SH3BP2: variants seen among roughly 807,000 people sequenced by gnomAD.
SH3BP2 encodes SH3 domain binding protein 2.
A neutral mutation model predicts 56.2 loss-of-function variants in SH3BP2; 38 were observed. That is an observed-to-expected ratio of 0.68 (90% CI 0.52 to 0.89). SH3BP2 has a LOEUF of 0.89. SH3BP2 is among the 40% of genes least tolerant of loss of function. SH3BP2 has a pLI of 0.00. For synonymous variants in SH3BP2, 346 were observed against 316.7 expected (o/e 1.09, Z -0.98); for missense variants, 748 against 762.6 (o/e 0.98, Z 0.23).
intron 1 of SH3BP2, among the ~76,000 whole-genome samples, chr4:2,813,755 G>A (rs1310108849): frequency 6.6e-6 from 1 of 152,234 alleles, no homozygotes; most frequent in Non-Finnish European, 1.5e-5. Context: ...GAGTGTGCAC[G>A]TATGAGTAGA....
intron 5 of SH3BP2, chr4:2,826,583 T>C (rs1457668423): frequency 3.1e-6 from 1 of 318,162 alleles, no homozygotes; most frequent in Non-Finnish European, 6.1e-6. Context: ...TCTGTGTGTG[T>C]GTGCATGTCT....
In SH3BP2 at chr4:2,829,709, C is replaced by G. The variant is rs148592718; in HGVS notation, c.803C>G (p.Pro268Arg). 5.0e-6 allele frequency: 8 copies of G among 1,612,828 alleles called. No individual in the cohort carries two copies. The highest frequency in any genetic ancestry group is 5.9e-6 in the Non-Finnish European group (7 of 1,179,798). Residue 268 changes from proline (P) to arginine (R), a missense_variant, in exon 8 of 13, where the codon CCC (proline) becomes CGC (arginine). Pro to Arg is a moderately radical substitution (Grantham distance 103). Coordinates refer to ENST00000503393, the MANE Select transcript of SH3BP2 (RefSeq NM_001122681.2). This position sits in a 1 kb window ranked among gnomAD's most constrained non-coding sequence, Gnocchi z 4.9. The stretch of plus-strand genomic sequence containing the variant: ...TGCCCGAGGCGGGCTGAGCCTTGCC[C>G]CAGGGTACCTGCTACCCCCCGAAGG... ...PLCPRRAEPC[P>R]RVPATPRRMS... is the part of the protein sequence containing the mutation.
chr4:2,833,474 G>T (rs1421295088), intron 12 of SH3BP2: 4 of 634,342 alleles, frequency 6.3e-6, no homozygotes, highest in African/African-American at 1.8e-5. Flanking sequence ...AAGTGCTCTG[G>T]GTGCAGGCTC....
chr4:2,816,188 G>T (rs1410734723), intron 1 of SH3BP2, among the ~76,000 whole-genome samples: 4 of 152,008 alleles, frequency 2.6e-5, no homozygotes, highest in African/African-American at 9.7e-5. Flanking sequence ...CCAAATAGCT[G>T]GGATTACAGG....
At chr4:2,821,544 G>A (rs940141944) in intron 2 of SH3BP2, among the ~76,000 whole-genome samples, 4 of 152,174 alleles carry the variant, frequency 2.6e-5, no homozygotes, top group African/African-American at 9.7e-5. Flanking sequence ...AACTCTCCGG[G>A]CTCCTGAGTC....
At position 2,820,693 on chromosome 4, in the gene SH3BP2, G is replaced by A. The variant is rs867225186; in HGVS notation, c.76G>A (p.Gly26Ser). Reference protein sequence around the residue: ...GAQNLLTMPGGVAKAGYLHKK... With the variant: ...GAQNLLTMPGSVAKAGYLHKK... Reference sequence around the variant, plus strand: ...CCAGAACCTGCTAACCATGCCTGGGGGCGTGGCCAAGGCTGGCTACCTGCA... The same window carrying A: ...CCAGAACCTGCTAACCATGCCTGGGAGCGTGGCCAAGGCTGGCTACCTGCA... Residue 26 changes from glycine (G) to serine (S), a missense_variant, in exon 2 of 13, where the codon GGC becomes AGC. Gly to Ser is a moderately conservative substitution (Grantham distance 56). This residue lies in a region of SH3BP2 where 104 missense variants were observed against 123.1 expected (regional missense o/e 0.84). Coordinates refer to ENST00000503393, the MANE Select transcript of SH3BP2 (RefSeq NM_001122681.2). The A allele has an allele frequency of 6.2e-7, 1 of 1,614,140 alleles. No homozygotes were observed. Among genetic ancestry groups the A allele is most frequent in the African/African-American group, 1.3e-5 (1 of 75,048 alleles).
intron 5 of SH3BP2, chr4:2,826,654 C>T (rs1433705202): frequency 6.3e-6 from 2 of 319,770 alleles, no homozygotes; most frequent in Non-Finnish European, 1.2e-5. Flanking sequence ...GTGTGCATGT[C>T]CACGTGTTGC....
intron 8 of SH3BP2, 92 bp downstream of exon 8, chr4:2,830,239 G>A: frequency 7.9e-7 from 1 of 1,266,906 alleles, no homozygotes; most frequent in Non-Finnish European, 1.1e-6. Flanking sequence ...CGCTCCCCTG[G>A]CACTCTTAGC....
rs1687899079 is a variant in SH3BP2, at chr4:2,829,351, G to A, written c.587-142G>A. 1 of 803,860 alleles carries A rather than the reference G, an allele frequency of 1.2e-6. No individual in the cohort carries two copies. 49.8% of individuals were successfully genotyped at this position (803,860 alleles called of 1,614,324 possible). The stretch of plus-strand genomic sequence containing the variant: ...GGGGAAGGCAGGATGGGAGTGCTGG[G>A]TGCTGGGCTGCTGGGTGGGCAGGCT... On this transcript the variant is annotated intron_variant, in intron 7 of 12. Coordinates refer to ENST00000503393, the MANE Select transcript of SH3BP2 (RefSeq NM_001122681.2). The surrounding 1 kb of genome is among the most constrained non-coding windows in gnomAD (Gnocchi z 4.9).
rs925373740 is a variant in SH3BP2 at position 2,799,259 on chromosome 4, C to G, written c.-5+6121C>G. On this transcript the variant is annotated intron_variant, in intron 1 of 12. Coordinates refer to ENST00000503393, the MANE Select transcript of SH3BP2 (RefSeq NM_001122681.2). ...CTTCCCCTCGGGACCCTCACCGCGA[C>G]TGGACTTCGCTCAGCTTCAGACCCT... is the stretch of plus-strand genomic sequence containing the variant. The G allele has an allele frequency of 5.1e-6, 5 of 985,362 alleles. No homozygotes were observed. In the African/African-American group the frequency reaches 8.7e-5, roughly 17 times the overall value. The allele number at this position is 985,362 out of a possible 1,614,324, so 61.0% of individuals were successfully genotyped here. A position where few individuals can be genotyped will look rare whatever the true frequency, so the allele number is the denominator to read the frequency against.
chr4:2,801,079 C>G (rs1213396518), intron 1 of SH3BP2, among the ~76,000 whole-genome samples: 1 of 145,698 alleles, frequency 6.9e-6, no homozygotes, highest in Non-Finnish European at 1.5e-5. Context: ...GGAGGAGACC[C>G]TGATCCAGAC....
At chr4:2,828,866 C>T (rs531660738) in intron 7 of SH3BP2, among the ~76,000 whole-genome samples, 8 of 152,310 alleles carry the variant, frequency 5.3e-5, no homozygotes, top group Admixed American at 6.5e-5. Context: ...CCAGGCGCCC[C>T]GTGCTCCCGG....
rs867954415 is a variant in SH3BP2, at chr4:2,826,518, G to A, written c.429-712G>A. The A allele has an allele frequency of 2.9e-4, 78 of 268,508 alleles. No individual in the cohort carries two copies. The Middle Eastern group carries it at 4.1e-3, about 14-fold the overall frequency. 16.6% of individuals were successfully genotyped at this position (268,508 alleles called of 1,614,324 possible). ...CATGTCTGCGTGTTGCTCTGTGTGT[G>A]TGTGCATGTCCGCGTGTTGCTCTGT... is the stretch of plus-strand genomic sequence containing the variant. On this transcript the variant is annotated intron_variant, in intron 5 of 12. Transcript: ENST00000503393.
intron 1 of SH3BP2, among the ~76,000 whole-genome samples, chr4:2,802,904 C>T (rs1723370702): frequency 6.6e-6 from 1 of 152,108 alleles, no homozygotes; most frequent in South Asian, 2.1e-4. Context: ...AAGCGAGGGG[C>T]CCAAGGACCC....
At chr4:2,812,422 C>T in intron 1 of SH3BP2, 1 of 1,550,304 alleles carries the variant, frequency 6.5e-7, no homozygotes, top group Non-Finnish European at 8.7e-7. Flanking sequence ...CCCCAGGACA[C>T]CGGCCCCGAG....
intron 3 of SH3BP2, chr4:2,823,270 G>C: frequency 1.7e-6 from 1 of 590,320 alleles, no homozygotes; most frequent in Admixed American, 2.2e-5. Flanking sequence ...CTGTGGCTTT[G>C]TGCACAAGTC....
chr4:2,825,101 C>G, intron 4 of SH3BP2, 25 bp from the exon 5 acceptor site: 1 of 1,555,804 alleles, frequency 6.4e-7, no homozygotes, highest in Non-Finnish European at 8.7e-7. Context: ...GGCACCGTGC[C>G]CACCACAGCC....
Position 2,833,969 on chromosome 4 carries a change from C to G in SH3BP2, c.*135C>G. 3 of 1,055,208 alleles carry G rather than the reference C, an allele frequency of 2.8e-6. No homozygotes were observed. Among genetic ancestry groups the G allele is most frequent in the Non-Finnish European group, 4.0e-6 (3 of 745,428 alleles). 65.4% of individuals were successfully genotyped at this position (1,055,208 alleles called of 1,614,324 possible). On this transcript the variant is annotated 3_prime_UTR_variant, in exon 13 of 13. Coordinates refer to ENST00000503393, the MANE Select transcript of SH3BP2 (RefSeq NM_001122681.2). ...TGCCTAGGGCCTCTGTGATGGACATCTCGTAGGACCCAGCCAGTCTCATCC... is the reference window on the plus strand; with the variant it reads ...TGCCTAGGGCCTCTGTGATGGACATGTCGTAGGACCCAGCCAGTCTCATCC...
Position 2,831,952 on chromosome 4 carries a change from C to A in SH3BP2, c.1380C>A (p.Asn460Lys), listed in dbSNP as rs1322292807. The part of the protein sequence containing the change: ...KVPLPNSVFV[N>K]TTESCEVERL... Reference sequence around the variant, plus strand: ...CACTGCCCAACTCGGTCTTCGTCAACACCACGGAGTCCTGCGAAGTGGAAA... The same window carrying A: ...CACTGCCCAACTCGGTCTTCGTCAAAACCACGGAGTCCTGCGAAGTGGAAA... The change falls in exon 10 of 13, where the codon AAC becomes AAA. Residue 460 changes from asparagine to lysine, a missense_variant. Physicochemically the swap from Asn to Lys is moderately conservative, Grantham distance 94. Transcript: ENST00000503393. This position sits in a 1 kb window ranked among gnomAD's most constrained non-coding sequence, Gnocchi z 4.1. 3.7e-6 allele frequency: 6 copies of A among 1,613,110 alleles called. No individual in the cohort carries two copies. The highest frequency in any genetic ancestry group is 5.1e-6 in the Non-Finnish European group (6 of 1,180,034).
Sources: allele counts gnomAD v4.1 joint callset (sites outside exome capture counted in the v4.1 genomes callset), GRCh38; gene constraint gnomAD v4.1.1; regional missense constraint gnomAD v4.1.1; non-coding constraint Gnocchi (gnomAD v3.1); transcripts MANE v1.5; gene names NCBI Gene and HGNC (gene_info 2026-07-23, HGNC 2026-07-21).